GARIN1B: variants seen among roughly 807,000 people sequenced by gnomAD.
GARIN1B encodes Golgi-associated RAB2 interactor protein 1B.
the GARIN1B span, among the ~76,000 whole-genome samples, chr7:128,722,276 A>G: frequency 1.3e-5 from 2 of 152,204 alleles, no homozygotes; most frequent in Non-Finnish European, 2.9e-5. Context: ...GGCTTCAGCT[A>G]CAACAGAAAC....
chr7:128,709,662 ATGTTGTTGT>A, the GARIN1B span, among the ~76,000 whole-genome samples: 2 of 150,532 alleles, frequency 1.3e-5, no homozygotes, highest in Admixed American at 6.6e-5. Context: ...TTGTAGTATA[ATGTTGTTGT>A]TGTTGTTGTT....
the GARIN1B span, among the ~76,000 whole-genome samples, chr7:128,712,666 A>G: frequency 7.2e-5 from 11 of 152,372 alleles, no homozygotes; most frequent in African/African-American, 2.6e-4. Flanking sequence ...AGCATGGTTG[A>G]GGCTGTCACC....
the GARIN1B span, among the ~76,000 whole-genome samples, chr7:128,716,333 T>A: frequency 6.6e-6 from 1 of 152,030 alleles, no homozygotes; most frequent in Admixed American, 6.6e-5. Flanking sequence ...TCAGTGAAGG[T>A]GCAGGAGATA....
chr7:128,721,380 G>A, the GARIN1B span, among the ~76,000 whole-genome samples: 2 of 152,138 alleles, frequency 1.3e-5, no homozygotes, highest in African/African-American at 4.8e-5. Context: ...CCAGAACTGT[G>A]TTTGTGTTTT....
chr7:128,717,069 C>G, the GARIN1B span: 1 of 1,371,922 alleles, frequency 7.3e-7, no homozygotes, highest in Non-Finnish European at 9.9e-7. Context: ...TGCTTGACTA[C>G]TAAACTCAAG....
the GARIN1B span, among the ~76,000 whole-genome samples, chr7:128,712,257 C>T: frequency 1.3e-5 from 2 of 152,116 alleles, no homozygotes; most frequent in Non-Finnish European, 2.9e-5. Flanking sequence ...TTGTATCATA[C>T]TTTTGTAGGG....
At chr7:128,724,867 G>T in the GARIN1B span, 3 of 1,287,720 alleles carry the variant, frequency 2.3e-6, no homozygotes, top group Non-Finnish European at 3.0e-6. Context: ...GGAGGCAAGC[G>T]CTTATAGCAA....
the GARIN1B span, chr7:128,713,873 G>A: frequency 1.3e-5 from 11 of 875,862 alleles, no homozygotes; most frequent in African/African-American, 1.7e-5. Context: ...GAACAGCAAC[G>A]TATCAATTTA....
At chr7:128,719,050 C>G in the GARIN1B span, 63 of 1,613,988 alleles carry the variant, frequency 3.9e-5, no homozygotes, top group African/African-American at 6.8e-4. Flanking sequence ...GCCTGGTACC[C>G]AAGAACTGCA....
the GARIN1B span, chr7:128,716,933 T>C: frequency 1.2e-6 from 2 of 1,613,968 alleles, no homozygotes; most frequent in East Asian, 4.5e-5. Flanking sequence ...CAGTGTCAAA[T>C]GGCACCAGGG....
the GARIN1B span, among the ~76,000 whole-genome samples, chr7:128,722,157 T>G: frequency 1.1e-4 from 16 of 152,254 alleles, no homozygotes; most frequent in African/African-American, 3.6e-4. Flanking sequence ...CTCTATTTTC[T>G]GAAAGAATTC....
At chr7:128,717,611 T>A in the GARIN1B span, among the ~76,000 whole-genome samples, 3 of 151,820 alleles carry the variant, frequency 2.0e-5, no homozygotes, top group Admixed American at 6.6e-5. Flanking sequence ...CACACCTGGA[T>A]AATTTTTGTA....
At chr7:128,723,553 CT>C in the GARIN1B span, 3,757 of 160,958 alleles carry the variant, frequency 0.023, no homozygotes, top group Middle Eastern at 0.048. Flanking sequence ...ACTATCCAGT[CT>C]TTTTTTTTTT....
At chr7:128,711,066 A>G in the GARIN1B span, among the ~76,000 whole-genome samples, 2 of 152,068 alleles carry the variant, frequency 1.3e-5, no homozygotes, top group African/African-American at 4.8e-5. Flanking sequence ...TTTCCTTGAG[A>G]GTGCAGAGAA....
At chr7:128,715,649 C>A in the GARIN1B span, 1 of 1,614,140 alleles carries the variant, frequency 6.2e-7, no homozygotes, top group Non-Finnish European at 8.5e-7. Context: ...AGAATTCAAC[C>A]TGTTTCTTGA....
At chr7:128,714,113 A>G in the GARIN1B span, 2 of 1,535,868 alleles carry the variant, frequency 1.3e-6, no homozygotes, top group Non-Finnish European at 8.7e-7. Context: ...ACCAGAGGGA[A>G]GGACTGATGG....
At chr7:128,731,523 A>G in the GARIN1B span, 3 of 260,824 alleles carry the variant, frequency 1.2e-5, no homozygotes, top group East Asian at 2.4e-4. Context: ...TAGACGAGAT[A>G]AGGAGGACAA....
chr7:128,714,902 C>A, the GARIN1B span, among the ~76,000 whole-genome samples: 29 of 152,182 alleles, frequency 1.9e-4, no homozygotes, highest in Non-Finnish European at 1.2e-4. Context: ...GCAGAAGTAA[C>A]CAGCCTGCCG....
the GARIN1B span, among the ~76,000 whole-genome samples, chr7:128,720,572 A>G: frequency 6.6e-6 from 1 of 152,116 alleles, no homozygotes; most frequent in Non-Finnish European, 1.5e-5. Flanking sequence ...CCTATGTTTT[A>G]TTCTAGGAGT....
Sources: allele counts gnomAD v4.1 joint callset (sites outside exome capture counted in the v4.1 genomes callset), GRCh38; gene constraint gnomAD v4.1.1; transcripts MANE v1.5; gene names NCBI Gene and HGNC (gene_info 2026-07-23, HGNC 2026-07-21).